DOK6: variants seen among roughly 807,000 people sequenced by gnomAD.
DOK6 encodes the protein docking protein 6, also known as downstream of tyrosine kinase 6.
In DOK6, 22 loss-of-function variants were observed where a neutral mutation model predicts 44.0. That is an observed-to-expected ratio of 0.50 (90% CI 0.36 to 0.71). The LOEUF (loss-of-function observed/expected upper bound fraction) is 0.71, where lower values mean the gene tolerates loss of function less well. DOK6 is among the 30% of genes least tolerant of loss of function. The pLI, the probability that DOK6 is intolerant of heterozygous loss-of-function variation, is 0.00. For missense variants in DOK6, 340 were observed against 416.4 expected (o/e 0.82, Z 1.60); for synonymous variants, 166 against 145.5 (o/e 1.14, Z -1.01).
At chr18:69,417,222 C>T (rs1259420589) in intron 1 of DOK6, among the ~76,000 whole-genome samples, 1 of 152,072 alleles carries the variant, frequency 6.6e-6, no homozygotes, top group Non-Finnish European at 1.5e-5. Flanking sequence ...ACCTCCCCTC[C>T]CTACTACTTT....
rs201001082 is a variant in DOK6 at position 69,814,933 on chromosome 18, G to GA, written c.857-26302dup. ...TAGCAGAGTTTGAGTGTCCAGATAA[G>GA]AAAAAAAAAGGTAAGATGGAGAGGT... is the stretch of plus-strand genomic sequence containing the variant. On this transcript the variant is annotated intron_variant, in intron 7 of 7. Coordinates refer to ENST00000382713, the MANE Select transcript of DOK6 (RefSeq NM_152721.6). 3.9e-4 allele frequency among the ~76,000 whole-genome samples: 58 copies of GA among 150,498 alleles called. No individual in the cohort carries two copies. The East Asian group carries it at 7.0e-3, about 18-fold the overall frequency.
chr18:69,524,237 A>G (rs1328692509), intron 1 of DOK6, among the ~76,000 whole-genome samples: 1 of 152,030 alleles, frequency 6.6e-6, no homozygotes, highest in Non-Finnish European at 1.5e-5. Context: ...TTACATGGTG[A>G]ATTAATCATT....
intron 1 of DOK6, among the ~76,000 whole-genome samples, chr18:69,430,740 G>C (rs1298442867): frequency 6.6e-6 from 1 of 152,180 alleles, no homozygotes; most frequent in Non-Finnish European, 1.5e-5. Context: ...GCCGAGGCTG[G>C]TGGATCACCT....
chr18:69,821,215 C>T (rs766751243), intron 7 of DOK6, among the ~76,000 whole-genome samples: 2 of 152,138 alleles, frequency 1.3e-5, no homozygotes, highest in African/African-American at 2.4e-5. Flanking sequence ...ATAGGACATA[C>T]ATGTCTGAGT....
intron 4 of DOK6, among the ~76,000 whole-genome samples, chr18:69,691,753 C>A (rs1212076161): frequency 6.6e-6 from 1 of 152,132 alleles, no homozygotes; most frequent in Non-Finnish European, 1.5e-5. Context: ...AACACCCACA[C>A]CAGGACAACT....
intron 1 of DOK6, among the ~76,000 whole-genome samples, chr18:69,435,058 G>A (rs556880571): frequency 9.4e-5 from 14 of 148,264 alleles, no homozygotes; most frequent in South Asian, 2.2e-4. Flanking sequence ...AAGGAAGGAA[G>A]GAAGGAAGGA....
rs149358102 is a variant in DOK6, at chr18:69,691,161, C to G, written c.410-7243C>G. On this transcript the variant is annotated intron_variant, in intron 4 of 7. Coordinates refer to ENST00000382713, the MANE Select transcript of DOK6 (RefSeq NM_152721.6). The stretch of plus-strand genomic sequence containing the variant: ...TCGTACCATTGCACTCCAGCCCGGG[C>G]GACAAGAGCGAAACTCTGTCTCAAA... Among the ~76,000 whole-genome samples the G allele has an allele frequency of 2.6e-4, 38 of 148,572 alleles. No homozygotes were observed. The East Asian group carries it at 7.1e-3, about 28-fold the overall frequency.
chr18:69,503,248 A>G lies in DOK6; in HGVS notation c.67-61239A>G, dbSNP rs148753640. On this transcript the variant is annotated intron_variant, in intron 1 of 7. Coordinates refer to ENST00000382713, the MANE Select transcript of DOK6 (RefSeq NM_152721.6). ...AATATCAAACCTTAAAGCAGAGATA[A>G]TTATCTTCTAAACAGGAACCAAGTG... Among the ~76,000 whole-genome samples, 531 of 152,252 alleles carry G rather than the reference A, an allele frequency of 3.5e-3. 5 individuals carry two copies. Among genetic ancestry groups the G allele is most frequent in the Admixed American group, 0.025 (376 of 15,284 alleles).
At chr18:69,594,320 A>G (rs1983690924) in intron 2 of DOK6, among the ~76,000 whole-genome samples, 1 of 152,044 alleles carries the variant, frequency 6.6e-6, no homozygotes, top group Non-Finnish European at 1.5e-5. Context: ...ATACAGATAC[A>G]TGCATATACA....
intron 7 of DOK6, among the ~76,000 whole-genome samples, chr18:69,821,496 C>G (rs563530496): frequency 6.6e-6 from 1 of 152,070 alleles, no homozygotes; most frequent in Non-Finnish European, 1.5e-5. Context: ...ATATTTACCC[C>G]GTAATCTCTT....
intron 4 of DOK6, among the ~76,000 whole-genome samples, chr18:69,686,908 A>T (rs1055732471): frequency 2.6e-5 from 4 of 152,242 alleles, no homozygotes; most frequent in East Asian, 1.9e-4. Flanking sequence ...ATAATCATTT[A>T]AAAAAATAAT....
At chr18:69,643,349 C>A (rs1220780521) in intron 3 of DOK6, among the ~76,000 whole-genome samples, 1 of 152,118 alleles carries the variant, frequency 6.6e-6, no homozygotes, top group Non-Finnish European at 1.5e-5. Context: ...TGTGTATAAA[C>A]AACACAGCCA....
chr18:69,527,655 C>T (rs1311726140), intron 1 of DOK6, among the ~76,000 whole-genome samples: 3 of 152,140 alleles, frequency 2.0e-5, no homozygotes, highest in South Asian at 4.1e-4. Context: ...TGCATTCCAT[C>T]TTAAATATAC....
intron 2 of DOK6, among the ~76,000 whole-genome samples, chr18:69,571,527 T>C (rs1442291256): frequency 6.6e-6 from 1 of 151,868 alleles, no homozygotes; most frequent in African/African-American, 2.4e-5. Context: ...TGAATGCAAA[T>C]GGATGGAAAA....
intron 5 of DOK6, among the ~76,000 whole-genome samples, chr18:69,715,094 T>C (rs1986852917): frequency 6.6e-6 from 1 of 152,210 alleles, no homozygotes; most frequent in African/African-American, 2.4e-5. Flanking sequence ...ATTAAGGCCA[T>C]GTAAGGAAGT....
chr18:69,604,988 CAG>C (rs201783765), intron 3 of DOK6, among the ~76,000 whole-genome samples: 3,122 of 151,696 alleles, frequency 0.021, 98 homozygotes, highest in African/African-American at 0.072. Context: ...TTCTCCTTGT[CAG>C]AGAGAGTATC....
At chr18:69,418,034 T>G (rs942451408) in intron 1 of DOK6, among the ~76,000 whole-genome samples, 1 of 152,124 alleles carries the variant, frequency 6.6e-6, no homozygotes, top group African/African-American at 2.4e-5. Context: ...GATTGTTTCC[T>G]TTGCTCTGCA....
At chr18:69,443,742 C>G (rs1267141130) in intron 1 of DOK6, among the ~76,000 whole-genome samples, 1 of 152,144 alleles carries the variant, frequency 6.6e-6, no homozygotes, top group East Asian at 1.9e-4. Context: ...GCCCTTGACT[C>G]TGTCTTGTTT....
At chr18:69,442,154 C>G (rs1268179922) in intron 1 of DOK6, among the ~76,000 whole-genome samples, 1 of 103,882 alleles carries the variant, frequency 9.6e-6, no homozygotes, top group Non-Finnish European at 2.6e-5. Flanking sequence ...GCTTAATTCT[C>G]TCTTCTAAAA....
Sources: gnomAD v4.1 joint callset for allele counts (sites outside exome capture counted in the v4.1 genomes callset) on GRCh38, gnomAD v4.1.1 for gene constraint, MANE v1.5 for transcripts, NCBI Gene and HGNC (gene_info 2026-07-23, HGNC 2026-07-21) for gene names.